The following CCDC171 variants were observed in gnomAD, a reference collection of about 807,000 sequenced individuals.
CCDC171 encodes the protein coiled-coil domain-containing protein 171.
A neutral mutation model predicts 168.2 loss-of-function variants in CCDC171; 177 were observed. That is an observed-to-expected ratio of 1.05 (90% CI 0.93 to 1.19). The LOEUF (loss-of-function observed/expected upper bound fraction) is 1.19, where lower values mean the gene tolerates loss of function less well. CCDC171 is among the 50% of genes most tolerant of loss of function. The pLI, the probability that CCDC171 is intolerant of heterozygous loss-of-function variation, is 0.00. For synonymous variants in CCDC171, 687 were observed against 540.8 expected (o/e 1.27, Z -3.75); for missense variants, 1,991 against 1,539.0 (o/e 1.29, Z -4.91).
At chr9:15,912,608 C>T (rs1460017434) in intron 24 of CCDC171, among the ~76,000 whole-genome samples, 1 of 152,096 alleles carries the variant, frequency 6.6e-6, no homozygotes, top group Admixed American at 6.5e-5. Flanking sequence ...GCATCCTTGT[C>T]TTGTGCTAGT....
chr9:16,090,934 T>G, the CCDC171 span, among the ~76,000 whole-genome samples: 3 of 152,232 alleles, frequency 2.0e-5, no homozygotes, highest in Non-Finnish European at 4.4e-5. Flanking sequence ...GTGTCCTGGT[T>G]CTTAACTCTG....
At chr9:15,667,884 T>C (rs1178743987) in intron 9 of CCDC171, among the ~76,000 whole-genome samples, 5 of 152,212 alleles carry the variant, frequency 3.3e-5, no homozygotes, top group Non-Finnish European at 2.9e-5. Flanking sequence ...TTAAATGACA[T>C]TCTGTGAATG....
chr9:15,598,641 G>A (rs2042575276), intron 6 of CCDC171, among the ~76,000 whole-genome samples: 1 of 152,156 alleles, frequency 6.6e-6, no homozygotes. Flanking sequence ...TTGGTGTGGA[G>A]AGTTCTGTAG....
chr9:15,939,573 G>A (rs1488746155), intron 25 of CCDC171, among the ~76,000 whole-genome samples: 1 of 151,802 alleles, frequency 6.6e-6, no homozygotes, highest in African/African-American at 2.4e-5. Flanking sequence ...ATTAGAAGCA[G>A]CCATTAAATA....
chr9:16,063,193 A>T (rs9298745), downstream of CCDC171, among the ~76,000 whole-genome samples: 7 of 152,070 alleles, frequency 4.6e-5, 2 homozygotes, highest in South Asian at 1.5e-3. Context: ...GTGATTCCTA[A>T]GCATTTAAGG....
At chr9:15,777,256 C>G (rs2057375799) in intron 18 of CCDC171, among the ~76,000 whole-genome samples, 2 of 152,028 alleles carry the variant, frequency 1.3e-5, no homozygotes, top group Non-Finnish European at 2.9e-5. Flanking sequence ...AATAGTATGG[C>G]ATGAAGGTAA....
At chr9:15,894,207 A>T (rs187496023) in intron 24 of CCDC171, among the ~76,000 whole-genome samples, 112 of 152,290 alleles carry the variant, frequency 7.4e-4, no homozygotes, top group Admixed American at 1.4e-3. Flanking sequence ...GTTCTTACTT[A>T]TAAGTGGGAA....
intron 24 of CCDC171, among the ~76,000 whole-genome samples, chr9:15,881,884 G>T (rs1818705035): frequency 6.6e-6 from 1 of 152,156 alleles, no homozygotes; most frequent in Admixed American, 6.5e-5. Context: ...CATTTTGGCT[G>T]TTGTGAATAA....
chr9:15,848,970 T>C, intron 23 of CCDC171, 23 bp downstream of exon 23: 6 of 1,325,706 alleles, frequency 4.5e-6, no homozygotes, highest in Non-Finnish European at 6.3e-6. Flanking sequence ...TTCTTTAATA[T>C]TGTTCAATTT....
chr9:16,059,529 A>T (rs1586870364), intron 1 of CCDC171, among the ~76,000 whole-genome samples: 2 of 105,200 alleles, frequency 1.9e-5, no homozygotes, highest in Admixed American at 1.3e-4. Flanking sequence ...TTTTTTTGAG[A>T]CGGAGTCTCG....
At chr9:15,712,089 C>CA (rs1187506924) in intron 11 of CCDC171, among the ~76,000 whole-genome samples, 1 of 152,170 alleles carries the variant, frequency 6.6e-6, no homozygotes, top group African/African-American at 2.4e-5. Flanking sequence ...ATTGATGTTG[C>CA]AGCCCAAAGA....
intron 3 of CCDC171, among the ~76,000 whole-genome samples, chr9:15,992,231 C>A (rs1187385400): frequency 6.6e-6 from 1 of 152,148 alleles, no homozygotes; most frequent in Non-Finnish European, 1.5e-5. Flanking sequence ...GCTTATCCAC[C>A]ATGACCAAGT....
the CCDC171 span, among the ~76,000 whole-genome samples, chr9:16,068,530 C>A: frequency 2.6e-5 from 4 of 152,182 alleles, no homozygotes; most frequent in Non-Finnish European, 5.9e-5. Flanking sequence ...GACCCTTGAA[C>A]CATTCTCAGT....
At chr9:15,599,655 T>C (rs1219181337) in intron 6 of CCDC171, among the ~76,000 whole-genome samples, 1 of 152,160 alleles carries the variant, frequency 6.6e-6, no homozygotes, top group African/African-American at 2.4e-5. Flanking sequence ...AGGAGTATCT[T>C]TGTGGCATTT....
chr9:15,733,478 GTTT>G (rs77820713), intron 16 of CCDC171, among the ~76,000 whole-genome samples: 1 of 124,678 alleles, frequency 8.0e-6, no homozygotes, highest in Admixed American at 8.0e-5. Context: ...ATTAAGGTCA[GTTT>G]TTTTTTTTTT....
intron 7 of CCDC171, among the ~76,000 whole-genome samples, chr9:15,639,627 A>G (rs1165525287): frequency 1.3e-5 from 2 of 152,088 alleles, no homozygotes; most frequent in African/African-American, 4.8e-5. Flanking sequence ...TTGTCAGCCT[A>G]TTGTCCTCAT....
chr9:15,660,376 A>G (rs1459650913), intron 8 of CCDC171, among the ~76,000 whole-genome samples: 1 of 152,098 alleles, frequency 6.6e-6, no homozygotes, highest in African/African-American at 2.4e-5. Context: ...ACCTGGGTAT[A>G]TTGCCTGATG....
At chr9:15,560,950 G>C (rs550143718) in intron 1 of CCDC171, among the ~76,000 whole-genome samples, 12 of 152,258 alleles carry the variant, frequency 7.9e-5, no homozygotes, top group African/African-American at 2.9e-4. Flanking sequence ...TAACAGTCAG[G>C]ACCCTCAGCT....
the CCDC171 span, among the ~76,000 whole-genome samples, chr9:16,084,348 C>A: frequency 4.6e-5 from 7 of 152,154 alleles, no homozygotes; most frequent in African/African-American, 1.7e-4. Context: ...CCTTCTAGGG[C>A]TGTGTAACTT....
Sources: allele counts gnomAD v4.1 joint callset (sites outside exome capture counted in the v4.1 genomes callset), GRCh38; gene constraint gnomAD v4.1.1; transcripts MANE v1.5; gene names NCBI Gene and HGNC (gene_info 2026-07-23, HGNC 2026-07-21).